Variants in SAMD5 observed in about 807,000 individuals in gnomAD.
The protein encoded by SAMD5 is sterile alpha motif domain-containing protein 5.
In SAMD5, 13 loss-of-function variants were observed where a neutral mutation model predicts 11.3. The observed-to-expected ratio is 1.15, with a 90% CI of 0.75 to 1.83. The LOEUF is 1.83. SAMD5 is among the 40% of genes most tolerant of loss of function. The pLI, the probability that SAMD5 is intolerant of heterozygous loss-of-function variation, is 0.00. For missense variants in SAMD5, 255 were observed against 239.1 expected (o/e 1.07, Z -0.44); for synonymous variants, 129 against 111.3 (o/e 1.16, Z -1.00).
At chr6:147,799,149 G>A in the SAMD5 span, among the ~76,000 whole-genome samples, 2 of 151,846 alleles carry the variant, frequency 1.3e-5, no homozygotes, top group Admixed American at 1.3e-4. Context: ...AGTTGATGCA[G>A]TTTCTTCCTA....
intron 1 of SAMD5, among the ~76,000 whole-genome samples, chr6:147,629,484 A>T (rs1427086257): frequency 6.6e-6 from 1 of 152,184 alleles, no homozygotes; most frequent in African/African-American, 2.4e-5. Flanking sequence ...TAAAACCAAT[A>T]CATATAAGAC....
At chr6:147,907,588 A>G in the SAMD5 span, among the ~76,000 whole-genome samples, 1 of 152,182 alleles carries the variant, frequency 6.6e-6, no homozygotes. Context: ...TAATGTGGAG[A>G]AAACAGACCC....
chr6:147,862,518 G>A, the SAMD5 span, among the ~76,000 whole-genome samples: 2 of 152,308 alleles, frequency 1.3e-5, no homozygotes, highest in East Asian at 3.9e-4. Flanking sequence ...TGCTCTCTAG[G>A]ATGGACCCTG....
chr6:147,635,839 C>A (rs1790222819), intron 1 of SAMD5, among the ~76,000 whole-genome samples: 1 of 152,240 alleles, frequency 6.6e-6, no homozygotes, highest in Non-Finnish European at 1.5e-5. Context: ...GCCAACACAG[C>A]TGACTTTCAA....
intron 1 of SAMD5, among the ~76,000 whole-genome samples, chr6:147,693,927 C>T (rs1329196358): frequency 1.3e-5 from 2 of 152,174 alleles, no homozygotes; most frequent in African/African-American, 4.8e-5. Context: ...CAAGATCACA[C>T]CACTGCACTC....
the SAMD5 span, among the ~76,000 whole-genome samples, chr6:147,839,411 GAGTGT>G: frequency 6.6e-6 from 1 of 152,142 alleles, no homozygotes; most frequent in Non-Finnish European, 1.5e-5. Flanking sequence ...CAGCATATCA[GAGTGT>G]TATATTTGGA....
intron 1 of SAMD5, among the ~76,000 whole-genome samples, chr6:147,603,497 C>G (rs1253943375): frequency 6.6e-6 from 1 of 152,128 alleles, no homozygotes; most frequent in Non-Finnish European, 1.5e-5. Context: ...CAAATTTGCT[C>G]TAGTTAGAAA....
chr6:147,870,590 C>T, the SAMD5 span, among the ~76,000 whole-genome samples: 2 of 151,334 alleles, frequency 1.3e-5, no homozygotes, highest in Non-Finnish European at 2.9e-5. Context: ...GTGCCTTATT[C>T]ATGTCAATTT....
At chr6:147,527,403 C>G (rs756477416) in intron 1 of SAMD5, among the ~76,000 whole-genome samples, 4 of 152,064 alleles carry the variant, frequency 2.6e-5, no homozygotes, top group Admixed American at 6.6e-5. Context: ...TTTTAAACAA[C>G]CAGATGTTTT....
chr6:147,856,174 C>T, the SAMD5 span, among the ~76,000 whole-genome samples: 1 of 152,026 alleles, frequency 6.6e-6, no homozygotes, highest in African/African-American at 2.4e-5. Flanking sequence ...GTCTATAACA[C>T]AAAGATGTGA....
intron 1 of SAMD5, among the ~76,000 whole-genome samples, chr6:147,719,671 G>C (rs1190497849): frequency 6.6e-6 from 1 of 152,106 alleles, no homozygotes; most frequent in Non-Finnish European, 1.5e-5. Context: ...TCTCATTAGA[G>C]GTACAAATAT....
At chr6:147,519,915 A>G (rs1056695280) in intron 1 of SAMD5, among the ~76,000 whole-genome samples, 24 of 152,164 alleles carry the variant, frequency 1.6e-4, no homozygotes, top group African/African-American at 5.5e-4. Context: ...TTTCATAATA[A>G]AAAGTTTTGT....
intron 1 of SAMD5, among the ~76,000 whole-genome samples, chr6:147,584,678 G>A (rs900845588): frequency 6.6e-6 from 1 of 152,190 alleles, no homozygotes; most frequent in African/African-American, 2.4e-5. Flanking sequence ...ATTAATAGGT[G>A]CATTACAATT....
At chr6:147,747,815 G>T in the SAMD5 span, among the ~76,000 whole-genome samples, 2 of 152,150 alleles carry the variant, frequency 1.3e-5, no homozygotes, top group Admixed American at 6.5e-5. Flanking sequence ...TAGCTGCTGC[G>T]TTGGTTGTCT....
chr6:147,752,032 G>A, the SAMD5 span, among the ~76,000 whole-genome samples: 15 of 151,974 alleles, frequency 9.9e-5, no homozygotes, highest in Admixed American at 6.6e-4. Flanking sequence ...TTACATCCCT[G>A]GCTCCATGCT....
At chr6:147,825,363 G>C in the SAMD5 span, among the ~76,000 whole-genome samples, 1 of 152,074 alleles carries the variant, frequency 6.6e-6, no homozygotes, top group Admixed American at 6.6e-5. Flanking sequence ...ATTTTGTAGT[G>C]TATCTTCTTT....
chr6:147,870,449 AGTGT>A, the SAMD5 span, among the ~76,000 whole-genome samples: 1,440 of 137,662 alleles, frequency 0.01, 23 homozygotes, highest in African/African-American at 0.032. Flanking sequence ...TGTGTGTGTG[AGTGT>A]GTGTGTGTGT....
the SAMD5 span, among the ~76,000 whole-genome samples, chr6:147,948,897 C>T: frequency 6.6e-6 from 1 of 152,154 alleles, no homozygotes; most frequent in Non-Finnish European, 1.5e-5. Flanking sequence ...TTAAATAACC[C>T]ATATGGGATT....
chr6:147,896,898 A>T, the SAMD5 span, among the ~76,000 whole-genome samples: 4 of 152,152 alleles, frequency 2.6e-5, no homozygotes, highest in African/African-American at 4.8e-5. Context: ...AATTGTACTC[A>T]GCAATCGAGG....
Sources: allele counts gnomAD v4.1 joint callset (sites outside exome capture counted in the v4.1 genomes callset), GRCh38; gene constraint gnomAD v4.1.1; transcripts MANE v1.5; gene names NCBI Gene and HGNC (gene_info 2026-07-23, HGNC 2026-07-21).